The following DSC2 variants were observed in gnomAD, a reference collection of about 807,000 sequenced individuals.
DSC2 encodes the protein desmocollin 2, also known as desmocollin-2.
Under a neutral mutation model 87.6 loss-of-function variants are expected in DSC2, and 51 were observed. The observed-to-expected ratio is 0.58, with a 90% confidence interval of 0.46 to 0.74. The LOEUF (loss-of-function observed/expected upper bound fraction) is 0.74, where lower values mean the gene tolerates loss of function less well. Among genes scored for constraint, DSC2 ranks in the 30% least tolerant of loss-of-function variants. DSC2 has a pLI of 0.00. For synonymous variants in DSC2, 383 were observed against 393.2 expected, an observed-to-expected ratio of 0.97 and a Z score of 0.31; for missense variants, 1,066 against 1,089.5, an observed-to-expected ratio of 0.98 and a Z score of 0.30.
At position 31,087,823 on chromosome 18, in the gene DSC2, G is replaced by C. The variant is rs745848441; in HGVS notation, c.631-10C>G. 8 of 1,613,276 alleles carry C rather than the reference G, an allele frequency of 5.0e-6. No individual in the cohort carries two copies. The Admixed American group carries it at 6.7e-5, about 13-fold the overall frequency. On this transcript the variant is annotated splice_polypyrimidine_tract_variant and intron_variant, in intron 5 of 15. Coordinates refer to ENST00000280904, the MANE Select transcript of DSC2 (RefSeq NM_024422.6). ...TTGCAAAGGCAATTATCTGTGAAGA[G>C]AGTAAAATAAGGAGAAAAGTGAAAA...
At chr18:31,089,054 A>T (rs1172975614) in intron 5 of DSC2, among the ~76,000 whole-genome samples, 1 of 151,248 alleles carries the variant, frequency 6.6e-6, no homozygotes, top group Non-Finnish European at 1.5e-5. Context: ...GATCCCAGCT[A>T]CTCAGGAGGC....
chr18:31,096,894 T>C, intron 1 of DSC2, among the ~76,000 whole-genome samples: 1 of 152,126 alleles, frequency 6.6e-6, no homozygotes, highest in South Asian at 2.1e-4. Flanking sequence ...TATGACTGTT[T>C]ACCTGGAAAA....
chr18:31,070,675 A>G (rs1986792162), intron 14 of DSC2, 51 bp downstream of exon 14: 1 of 1,610,322 alleles, frequency 6.2e-7, no homozygotes, highest in Admixed American at 1.7e-5. Flanking sequence ...AGGAATACGC[A>G]TTATAAGCGA....
chr18:31,101,684 C>T (rs943601189), intron 1 of DSC2: 7 of 565,934 alleles, frequency 1.2e-5, no homozygotes, highest in Admixed American at 9.5e-5. Context: ...TTACATCTAC[C>T]GGAGACACCT....
intron 11 of DSC2, among the ~76,000 whole-genome samples, chr18:31,078,743 T>C (rs186075918): frequency 3.9e-5 from 6 of 152,312 alleles, no homozygotes; most frequent in Admixed American, 2.6e-4. Flanking sequence ...ACATAAATCA[T>C]CTTCCAAAAT....
Position 31,079,954 on chromosome 18 carries a change from G to T in DSC2, c.1556C>A (p.Thr519Asn). The change falls in exon 11 of 16, where the codon ACC (threonine) becomes AAC (asparagine). Residue 519 changes from threonine to asparagine, a missense_variant. By Grantham distance (65) the Thr-to-Asn change is moderately conservative. Coordinates refer to ENST00000280904, the MANE Select transcript of DSC2 (RefSeq NM_024422.6). The part of the protein sequence containing the change: ...KKLTDPTGWV[T>N]IDENTGSIKV... ...GATTGATCCTGTATTTTCATCAATG[G>T]TGACCCACCCTGTTGGATCAGTTAA... The T allele has an allele frequency of 1.9e-6, 3 of 1,613,928 alleles. No individual in the cohort carries two copies. The highest frequency in any genetic ancestry group is 1.1e-5 in the South Asian group (1 of 91,074).
At chr18:31,083,844 T>C (rs1987312217) in intron 7 of DSC2, among the ~76,000 whole-genome samples, 1 of 152,190 alleles carries the variant, frequency 6.6e-6, no homozygotes, top group Non-Finnish European at 1.5e-5. Flanking sequence ...TCCTTATAAC[T>C]TTCATTTATC....
chr18:31,089,671 A>T, intron 4 of DSC2, 77 bp from the exon 5 acceptor site: 1 of 1,396,206 alleles, frequency 7.2e-7, no homozygotes, highest in Non-Finnish European at 9.9e-7. Flanking sequence ...ATGAAATCTC[A>T]TTGCCATTTT....
chr18:31,065,427 T>C lies in DSC2; in HGVS notation c.*2588A>G, dbSNP rs1263611989. 6.6e-6 allele frequency: 1 copy of C among 152,240 alleles called. No homozygotes were observed. The highest frequency in any genetic ancestry group is 1.5e-5 in the Non-Finnish European group (1 of 68,076). 9.4% of individuals were successfully genotyped at this position (152,240 alleles called of 1,614,324 possible). A position where few individuals can be genotyped will look rare whatever the true frequency, so the allele number is the denominator to read the frequency against. On this transcript the variant is annotated 3_prime_UTR_variant, in exon 16 of 16. Transcript: ENST00000280904. ...TTAACTCTGACAAAGCCCTGTCAAG[T>C]AGACTCCTCTACCCTCCTCAGTACA...
chr18:31,085,196 A>G (rs1434569844), intron 7 of DSC2, among the ~76,000 whole-genome samples: 2 of 152,084 alleles, frequency 1.3e-5, no homozygotes, highest in Admixed American at 6.5e-5. Flanking sequence ...TTCTAATTTT[A>G]TATCATGTCA....
chr18:31,093,682 A>T (rs570806719), intron 1 of DSC2, 39 bp from the exon 2 acceptor site: 1 of 1,363,744 alleles, frequency 7.3e-7, no homozygotes, highest in Non-Finnish European at 1.0e-6. Context: ...ATTATGCATA[A>T]AAAGAAAACT....
In DSC2 at chr18:31,060,406, C is replaced by A. The variant is rs567276527; in HGVS notation, c.*7609G>T. The A allele has an allele frequency of 6.6e-6, 1 of 152,220 alleles. No individual in the cohort carries two copies. Among genetic ancestry groups the A allele is most frequent in the African/African-American group, 2.4e-5 (1 of 41,536 alleles). The allele number at this position is 152,220 out of a possible 1,614,324, so 9.4% of individuals were successfully genotyped here. ...GGGAGTTTTCCAATTGGCCCTGTTC[C>A]CAGGGGAACACTCCTTAAGCTGAAA... On this transcript the variant is annotated 3_prime_UTR_variant, in exon 16 of 16. Coordinates refer to ENST00000280904, the MANE Select transcript of DSC2 (RefSeq NM_024422.6).
chr18:31,078,083 T>G (rs759455924), intron 11 of DSC2, among the ~76,000 whole-genome samples: 2 of 151,982 alleles, frequency 1.3e-5, no homozygotes, highest in Non-Finnish European at 2.9e-5. Context: ...GCTGCGGAGA[T>G]GTAGGAAGGC....
In DSC2 at chr18:31,092,317, C is replaced by G. The variant is rs1223009380; in HGVS notation, c.155-17G>C. ...TCAGGTTAACTGTAGAAAATATGCA[C>G]AGCAATCATTTTTAAAGTAAAACAT... On this transcript the variant is annotated splice_polypyrimidine_tract_variant and intron_variant, in intron 2 of 15. Transcript: ENST00000280904. 1 of 1,603,904 alleles carries G rather than the reference C, an allele frequency of 6.2e-7. No homozygotes were observed. Among genetic ancestry groups the G allele is most frequent in the African/African-American group, 1.3e-5 (1 of 74,716 alleles).
chr18:31,068,776 C>T, intron 15 of DSC2, 118 bp downstream of exon 15: 1 of 1,346,740 alleles, frequency 7.4e-7, no homozygotes, highest in Non-Finnish European at 1.0e-6. Context: ...TAATAGCTTT[C>T]AATTAGTAGA....
intron 3 of DSC2, chr18:31,091,701 T>A (rs1387010877): frequency 2.4e-6 from 1 of 419,220 alleles, no homozygotes; most frequent in Admixed American, 2.8e-5. Context: ...CCAAACCTCC[T>A]CCTAAAATAG....
chr18:31,091,550 G>A, intron 3 of DSC2: 1 of 459,896 alleles, frequency 2.2e-6, no homozygotes, highest in Non-Finnish European at 4.4e-6. Context: ...GGCAGAGCCA[G>A]GGAACCAACA....
chr18:31,080,080 A>C lies in DSC2; in HGVS notation c.1520+16T>G. ...ATAAGCTATATATTTTAAAACTAAA[A>C]TAGAATGGTAAGTACCTTATGCCAC... On this transcript the variant is annotated intron_variant, in intron 10 of 15. Coordinates refer to ENST00000280904, the MANE Select transcript of DSC2 (RefSeq NM_024422.6). 1 of 1,613,740 alleles carries C rather than the reference A, an allele frequency of 6.2e-7. No individual in the cohort carries two copies. The highest frequency in any genetic ancestry group is 8.5e-7 in the Non-Finnish European group (1 of 1,179,952).
At position 31,069,080 on chromosome 18, in the gene DSC2, T is replaced by C; in HGVS notation, c.2322A>G (p.Ser774=). ...SAQGVCGTVG[S]GIKNGGQETI... is the part of the protein sequence containing the mutation. ...TCTCCTGACCTCCGTTTTTGATTCCTGATCCCACGGTGCCACAAACTCCCT... is the reference window on the plus strand; with the variant it reads ...TCTCCTGACCTCCGTTTTTGATTCCCGATCCCACGGTGCCACAAACTCCCT... The change falls in exon 15 of 16, where the codon TCA becomes TCG. Residue 774 remains serine, a synonymous_variant. Coordinates refer to ENST00000280904, the MANE Select transcript of DSC2 (RefSeq NM_024422.6). 2.5e-6 allele frequency: 4 copies of C among 1,614,152 alleles called. No individual in the cohort carries two copies. Among genetic ancestry groups the C allele is most frequent in the Non-Finnish European group, 3.4e-6 (4 of 1,180,002 alleles).
Sources: allele counts gnomAD v4.1 joint callset (sites outside exome capture counted in the v4.1 genomes callset), GRCh38; gene constraint gnomAD v4.1.1; transcripts MANE v1.5; gene names NCBI Gene and HGNC (gene_info 2026-07-23, HGNC 2026-07-21).